Variants in CTHRC1 observed in about 807,000 individuals in gnomAD.
The protein encoded by CTHRC1 is collagen triple helix repeat containing 1.
A neutral mutation model predicts 25.9 loss-of-function variants in CTHRC1; 21 were observed. The ratio of observed to expected loss-of-function variants is 0.81; its 90% CI spans 0.57 to 1.17. The LOEUF (loss-of-function observed/expected upper bound fraction) is 1.17. Among genes scored for constraint, CTHRC1 ranks in the 50% most tolerant of loss-of-function variants. The pLI is 0.00. For missense variants in CTHRC1, 281 were observed against 304.3 expected (o/e 0.92, Z 0.57); for synonymous variants, 109 against 113.1 (o/e 0.96, Z 0.23).
At chr8:103,376,940 T>C (rs765150280) in intron 2 of CTHRC1, among the ~76,000 whole-genome samples, 8 of 152,238 alleles carry the variant, frequency 5.3e-5, no homozygotes, top group Non-Finnish European at 1.2e-4. Flanking sequence ...TCCCTAGTTA[T>C]TTAAACATCT....
chr8:103,375,907 A>G lies in CTHRC1; in HGVS notation c.320A>G (p.Lys107Arg), dbSNP rs1244504830. 3 of 1,614,032 alleles carry G rather than the reference A, an allele frequency of 1.9e-6. No homozygotes were observed. Among genetic ancestry groups the G allele is most frequent in the Non-Finnish European group, 2.5e-6 (3 of 1,180,024 alleles). ...SFEESWTPNY[K>R]QCSWSSLNYG... ...GAGGAGTCCTGGACACCCAACTACA[A>G]GCAGTGTTCATGGAGTTCATTGAAT... is the stretch of plus-strand genomic sequence containing the variant. Residue 107 changes from lysine (K) to arginine (R), a missense_variant, in exon 2 of 4, where the codon AAG becomes AGG. Coordinates refer to ENST00000330295, the MANE Select transcript of CTHRC1 (RefSeq NM_138455.4).
intron 1 of CTHRC1, among the ~76,000 whole-genome samples, chr8:103,374,338 G>GT (rs1815767334): frequency 6.6e-6 from 1 of 152,104 alleles, no homozygotes; most frequent in Non-Finnish European, 1.5e-5. Flanking sequence ...AAGAAACTTT[G>GT]TTTTTTGTTT....
At chr8:103,378,851 C>CA (rs1000209899) in intron 3 of CTHRC1, among the ~76,000 whole-genome samples, 112 of 151,786 alleles carry the variant, frequency 7.4e-4, no homozygotes, top group Admixed American at 4.6e-3. Context: ...CCCATCTCTA[C>CA]AAAAAAAATA....
chr8:103,374,963 C>G (rs1815778118), intron 1 of CTHRC1, among the ~76,000 whole-genome samples: 1 of 152,170 alleles, frequency 6.6e-6, no homozygotes, highest in African/African-American at 2.4e-5. Flanking sequence ...ATGTCCTTCT[C>G]CAAACAAACA....
intron 1 of CTHRC1, among the ~76,000 whole-genome samples, chr8:103,372,193 C>A (rs552108687): frequency 6.6e-6 from 1 of 152,094 alleles, no homozygotes; most frequent in Admixed American, 6.5e-5. Context: ...CGAAGTGGAC[C>A]TGGGAAAAAC....
Position 103,371,670 on chromosome 8 carries a change from GCCCCGCCGCCT to G in CTHRC1, c.21_31del (p.Ser9AlafsTer20), listed in dbSNP as rs1274888955. The G allele has an allele frequency of 5.2e-6, 8 of 1,534,184 alleles. No homozygotes were observed. Among genetic ancestry groups the G allele is most frequent in the Non-Finnish European group, 7.0e-6 (8 of 1,141,536 alleles). ...CAGCCGGGAGCCATGCGACCCCAGG[GCCCCGCCGCCT>G]CCCCGCAGCGGCTCCGCGGCCTCCT... On this transcript the variant is annotated frameshift_variant, in exon 1 of 4. Transcript: ENST00000330295. LOFTEE classifies it high-confidence loss of function.
Position 103,378,012 on chromosome 8 carries a change from CTA to C in CTHRC1, c.373-13_373-12del, listed in dbSNP as rs747332572. ...AGAAAATGTTAATTAAATCCCATTT[CTA>C]TGTTTGTGACAGGAGTGTACATTTA... On this transcript the variant is annotated splice_polypyrimidine_tract_variant and intron_variant, in intron 2 of 3. Coordinates refer to ENST00000330295, the MANE Select transcript of CTHRC1 (RefSeq NM_138455.4). 1 of 1,588,636 alleles carries C rather than the reference CTA, an allele frequency of 6.3e-7. No individual in the cohort carries two copies. Among genetic ancestry groups the C allele is most frequent in the Non-Finnish European group, 8.6e-7 (1 of 1,156,696 alleles).
chr8:103,377,909 A>T, intron 2 of CTHRC1, 118 bp from the exon 3 acceptor site: 1 of 946,734 alleles, frequency 1.1e-6, no homozygotes, highest in Non-Finnish European at 1.7e-6. Context: ...CGGCCAAGTT[A>T]AACTTTTTAA....
Position 103,375,730 on chromosome 8 carries a change from C to T in CTHRC1, c.151-8C>T. On this transcript the variant is annotated splice_region_variant and splice_polypyrimidine_tract_variant and intron_variant, in intron 1 of 3. Coordinates refer to ENST00000330295, the MANE Select transcript of CTHRC1 (RefSeq NM_138455.4). ...AGAGTTTTCTTTGCCTTTTCTTTCTCATTATAGTATAATGGAATGTGCTTA... is the reference window on the plus strand; with the variant it reads ...AGAGTTTTCTTTGCCTTTTCTTTCTTATTATAGTATAATGGAATGTGCTTA... 6.2e-7 allele frequency: 1 copy of T among 1,610,876 alleles called. No homozygotes were observed. The highest frequency in any genetic ancestry group is 8.5e-7 in the Non-Finnish European group (1 of 1,177,160).
intron 1 of CTHRC1, 71 bp downstream of exon 1, chr8:103,371,877 G>A: frequency 7.1e-7 from 1 of 1,414,552 alleles, no homozygotes; most frequent in Non-Finnish European, 9.3e-7. Context: ...CCCACGGGCA[G>A]GGCGTCAGTC....
At chr8:103,374,416 A>G (rs1264925832) in intron 1 of CTHRC1, among the ~76,000 whole-genome samples, 1 of 152,244 alleles carries the variant, frequency 6.6e-6, no homozygotes, top group African/African-American at 2.4e-5. Context: ...ATGTTAGAGT[A>G]AACATTTAAA....
chr8:103,373,791 GT>G (rs944119841), intron 1 of CTHRC1, among the ~76,000 whole-genome samples: 4 of 149,604 alleles, frequency 2.7e-5, no homozygotes, highest in African/African-American at 9.9e-5. Context: ...ATTGTCCCCA[GT>G]TGAGATCCAC....
Position 103,371,633 on chromosome 8 carries a change from C to G in CTHRC1, c.-24C>G. On this transcript the variant is annotated 5_prime_UTR_variant, in exon 1 of 4. Coordinates refer to ENST00000330295, the MANE Select transcript of CTHRC1 (RefSeq NM_138455.4). ...CCTCGGTCTCCTCCGCCTCCAGCTC[C>G]GCGCTGCCCGGCAGCCGGGAGCCAT... 6.5e-7 allele frequency: 1 copy of G among 1,529,356 alleles called. No individual in the cohort carries two copies. Among genetic ancestry groups the G allele is most frequent in the Non-Finnish European group, 8.8e-7 (1 of 1,139,852 alleles). The allele number at this position is 1,529,356 out of a possible 1,614,324, so 94.7% of individuals were successfully genotyped here.
chr8:103,379,446 G>A (rs1358307013), intron 3 of CTHRC1, among the ~76,000 whole-genome samples: 2 of 149,596 alleles, frequency 1.3e-5, no homozygotes, highest in African/African-American at 4.9e-5. Context: ...ATTAAAGAAA[G>A]TTTAGAAAAT....
intron 3 of CTHRC1, among the ~76,000 whole-genome samples, chr8:103,382,044 C>CG (rs1468429227): frequency 1.3e-5 from 2 of 151,788 alleles, no homozygotes; most frequent in Non-Finnish European, 2.9e-5. Flanking sequence ...CATCACTTAT[C>CG]AGCAGATAAG....
chr8:103,375,875 A>G lies in CTHRC1; in HGVS notation c.288A>G (p.Glu96=), dbSNP rs756369288. Residue 96 remains glutamate, a synonymous_variant, in exon 2 of 4, where the codon GAA becomes GAG. Coordinates refer to ENST00000330295, the MANE Select transcript of CTHRC1 (RefSeq NM_138455.4). ...FKGEKGECLR[E]SFEESWTPNY... is the part of the protein sequence containing the mutation. ...GAGAAAAGGGGGAATGTCTGAGGGA[A>G]AGCTTTGAGGAGTCCTGGACACCCA... is the stretch of plus-strand genomic sequence containing the variant. The G allele has an allele frequency of 1.2e-6, 2 of 1,614,094 alleles. No individual in the cohort carries two copies. Among genetic ancestry groups the G allele is most frequent in the East Asian group, 2.2e-5 (1 of 44,860 alleles).
At chr8:103,378,767 G>C (rs1189892193) in intron 3 of CTHRC1, among the ~76,000 whole-genome samples, 1 of 152,136 alleles carries the variant, frequency 6.6e-6, no homozygotes, top group Non-Finnish European at 1.5e-5. Context: ...TGTAATCCCA[G>C]CACTTTGGGA....
intron 2 of CTHRC1, 25 bp from the exon 3 acceptor site, chr8:103,378,002 A>T (rs376856799): frequency 1.3e-6 from 2 of 1,544,842 alleles, no homozygotes; most frequent in South Asian, 2.2e-5. Context: ...ATGTTAATTA[A>T]ATCCCATTTC....
chr8:103,379,966 C>T (rs1253284389), intron 3 of CTHRC1, among the ~76,000 whole-genome samples: 2 of 152,130 alleles, frequency 1.3e-5, no homozygotes, highest in African/African-American at 4.8e-5. Flanking sequence ...GTAGAATCAG[C>T]GTTCAGGAGA....
Sources: allele counts gnomAD v4.1 joint callset (sites outside exome capture counted in the v4.1 genomes callset), GRCh38; gene constraint gnomAD v4.1.1; transcripts MANE v1.5; gene names NCBI Gene and HGNC (gene_info 2026-07-23, HGNC 2026-07-21).